Variants in EPG5 observed in about 807,000 individuals in gnomAD.
EPG5 encodes ectopic P-granules 5 autophagy tethering factor.
EPG5 carries 159 observed loss-of-function variants against 302.7 expected under a neutral mutation model. The ratio of observed to expected loss-of-function variants is 0.53; its 90% CI spans 0.46 to 0.60. The LOEUF is 0.60. EPG5 is among the 20% of genes least tolerant of loss of function. The pLI, the probability that EPG5 is intolerant of heterozygous loss-of-function variation, is 0.00. For synonymous variants in EPG5, 1,158 were observed against 1,136.8 expected, an observed-to-expected ratio of 1.02 and a Z score of -0.37; for missense variants, 2,896 against 3,092.4, an observed-to-expected ratio of 0.94 and a Z score of 1.51.
At chr18:45,871,122 G>A (rs1480193846) in intron 35 of EPG5, among the ~76,000 whole-genome samples, 1 of 152,102 alleles carries the variant, frequency 6.6e-6, no homozygotes, top group African/African-American at 2.4e-5. Flanking sequence ...CCCTCAAAAG[G>A]AAATGTTCCA....
At chr18:45,894,282 A>C (rs2145530649) in intron 27 of EPG5, among the ~76,000 whole-genome samples, 1 of 152,218 alleles carries the variant, frequency 6.6e-6, no homozygotes, top group South Asian at 2.1e-4. Context: ...CAACATGGTG[A>C]AACCTCATCG....
At chr18:45,842,270 G>A in the EPG5 span, 6 of 1,509,202 alleles carry the variant, frequency 4.0e-6, no homozygotes, top group Admixed American at 1.0e-4. Context: ...AGCCAGTCCT[G>A]GTTCTCGGGC....
the EPG5 span, among the ~76,000 whole-genome samples, chr18:45,822,933 C>T: frequency 0.02 from 3,071 of 152,092 alleles, 107 homozygotes; most frequent in African/African-American, 0.07. Context: ...GTGAGGGAGA[C>T]GTAAAGTCAC....
intron 11 of EPG5, 138 bp from the exon 12 acceptor site, chr18:45,930,968 C>G: frequency 1.2e-6 from 1 of 802,862 alleles, no homozygotes; most frequent in African/African-American, 1.8e-5. Context: ...TTTCTACAGG[C>G]ATCAGGAATA....
chr18:45,952,696 A>G, intron 2 of EPG5, 53 bp from the exon 3 acceptor site: 1 of 1,592,682 alleles, frequency 6.3e-7, no homozygotes. Context: ...TTCCATTTGA[A>G]GTAAGCAGGC....
the EPG5 span, among the ~76,000 whole-genome samples, chr18:45,839,537 G>T: frequency 6.6e-6 from 1 of 152,128 alleles, no homozygotes. Flanking sequence ...CGTGCTGAGC[G>T]GTAGACAGAT....
the EPG5 span, chr18:45,841,959 G>A: frequency 2.7e-5 from 20 of 737,312 alleles, no homozygotes; most frequent in Admixed American, 1.1e-4. Flanking sequence ...CCCAGCCTCC[G>A]ATGCCATTCA....
chr18:45,874,430 T>C (rs1423966067), intron 35 of EPG5, among the ~76,000 whole-genome samples: 1 of 151,864 alleles, frequency 6.6e-6, no homozygotes, highest in South Asian at 2.1e-4. Flanking sequence ...ACACTGCTGA[T>C]AAAGACATAT....
At chr18:45,889,602 G>A (rs2049294562) in intron 28 of EPG5, among the ~76,000 whole-genome samples, 196 bp downstream of exon 28, 2 of 152,140 alleles carry the variant, frequency 1.3e-5, no homozygotes, top group South Asian at 4.1e-4. Flanking sequence ...AATAAATGGG[G>A]ATGGCTGTGT....
At chr18:45,910,030 G>C (rs2049855460) in intron 23 of EPG5, among the ~76,000 whole-genome samples, 1 of 152,134 alleles carries the variant, frequency 6.6e-6, no homozygotes. Context: ...CTGTTGCCCA[G>C]GCTGGAGTAC....
chr18:45,842,465 A>C, the EPG5 span: 1 of 392,736 alleles, frequency 2.5e-6, no homozygotes, highest in Non-Finnish European at 4.6e-6. Flanking sequence ...GAGAGAGTAC[A>C]CGCATTAGCT....
the EPG5 span, chr18:45,842,155 C>T: frequency 1.1e-5 from 17 of 1,614,072 alleles, no homozygotes; most frequent in Admixed American, 1.3e-4. Context: ...GATGAACCCC[C>T]GGAGCCCACC....
intron 10 of EPG5, among the ~76,000 whole-genome samples, chr18:45,936,960 G>T (rs1275917978): frequency 6.6e-6 from 1 of 151,926 alleles, no homozygotes; most frequent in South Asian, 2.1e-4. Flanking sequence ...GCAACTGGTA[G>T]TTCAAACCCA....
chr18:45,948,379 T>A, intron 6 of EPG5, 124 bp downstream of exon 6: 2 of 766,524 alleles, frequency 2.6e-6, no homozygotes, highest in Admixed American at 5.0e-5. Flanking sequence ...TCTGCAATGT[T>A]AAATTCTAGA....
intron 9 of EPG5, among the ~76,000 whole-genome samples, chr18:45,942,082 G>C (rs571949439): frequency 6.6e-4 from 100 of 152,198 alleles, no homozygotes; most frequent in African/African-American, 2.4e-3. Flanking sequence ...AAAGTTAGCT[G>C]GGCGTGGTGG....
intron 34 of EPG5, 58 bp from the exon 35 acceptor site, chr18:45,876,400 TC>T: frequency 7.1e-7 from 1 of 1,415,616 alleles, no homozygotes; most frequent in Non-Finnish European, 1.0e-6. Context: ...TACTGTTAAG[TC>T]CCAGTGTCTA....
chr18:45,818,998 T>C, the EPG5 span, among the ~76,000 whole-genome samples: 10 of 152,156 alleles, frequency 6.6e-5, no homozygotes, highest in African/African-American at 9.7e-5. Flanking sequence ...CATCCCAAAG[T>C]GTTGAGATTA....
Position 45,937,902 on chromosome 18 carries a change from T to C in EPG5, c.2099+1698A>G, listed in dbSNP as rs140835926. 3.2e-3 allele frequency among the ~76,000 whole-genome samples: 485 copies of C among 152,330 alleles called. 2 individuals are homozygous for C. Among genetic ancestry groups the C allele is most frequent in the African/African-American group, 0.011 (458 of 41,568 alleles). ...AGCTGTCAACATTTTAAAACAATTATCTTTGTGAAATTATATACACAATGT... is the reference window on the plus strand; with the variant it reads ...AGCTGTCAACATTTTAAAACAATTACCTTTGTGAAATTATATACACAATGT... On this transcript the variant is annotated intron_variant, in intron 10 of 43. Coordinates refer to ENST00000282041, the MANE Select transcript of EPG5 (RefSeq NM_020964.3).
In EPG5 at chr18:45,892,770, G is replaced by T. The variant is rs575075712; in HGVS notation, c.4810-2830C>A. 3.3e-5 allele frequency among the ~76,000 whole-genome samples: 5 copies of T among 152,312 alleles called. No individual in the cohort carries two copies. The South Asian group carries it at 1.0e-3, about 32-fold the overall frequency. ...GCTATCCATAGCTCAGACGCTTGCA[G>T]ATAGCTGGAAATTTCCAGGACATTC... On this transcript the variant is annotated intron_variant, in intron 27 of 43. Transcript: ENST00000282041.
Sources: allele counts gnomAD v4.1 joint callset (sites outside exome capture counted in the v4.1 genomes callset), GRCh38; gene constraint gnomAD v4.1.1; transcripts MANE v1.5; gene names NCBI Gene and HGNC (gene_info 2026-07-23, HGNC 2026-07-21).